ZNF638: variants seen among roughly 807,000 people sequenced by gnomAD.
The protein encoded by ZNF638 is zinc finger protein 638.
Under a neutral mutation model 195.6 loss-of-function variants are expected in ZNF638, and 46 were observed. That is an observed-to-expected ratio of 0.24 (90% CI 0.19 to 0.30). The LOEUF (loss-of-function observed/expected upper bound fraction) is 0.30. Ranked by LOEUF, ZNF638 falls within the 10% of genes least tolerant of loss-of-function variation. The probability of loss-of-function intolerance (pLI) is 1.00; values close to 1 mark genes in which losing one functional copy is unlikely to be tolerated. For missense variants in ZNF638, 2,440 were observed against 2,325.3 expected, an observed-to-expected ratio of 1.05 and a Z score of -1.01; for synonymous variants, 845 against 772.0, an observed-to-expected ratio of 1.09 and a Z score of -1.57.
intron 10 of ZNF638, among the ~76,000 whole-genome samples, chr2:71,388,922 G>C (rs541608370): frequency 9.0e-4 from 137 of 152,288 alleles, no homozygotes; most frequent in Non-Finnish European, 1.6e-3. Flanking sequence ...ATAATCCATG[G>C]TTCCCAGCAG....
chr2:71,342,326 T>G (rs910973545), intron 1 of ZNF638, among the ~76,000 whole-genome samples: 4 of 152,028 alleles, frequency 2.6e-5, no homozygotes, highest in African/African-American at 9.7e-5. Context: ...GGGACTCAGC[T>G]TCCACAACCA....
chr2:71,422,665 G>A (rs1229792700), intron 21 of ZNF638, 149 bp from the exon 22 acceptor site: 5 of 727,584 alleles, frequency 6.9e-6, no homozygotes, highest in Non-Finnish European at 1.1e-5. Context: ...CTGATTGGTT[G>A]GATTTCCCAG....
At chr2:71,353,617 A>G (rs2078977444) in intron 2 of ZNF638, among the ~76,000 whole-genome samples, 1 of 152,156 alleles carries the variant, frequency 6.6e-6, no homozygotes, top group Admixed American at 6.5e-5. Context: ...GAATGTGTGT[A>G]TGTGTGTTGA....
chr2:71,348,867 G>C lies in ZNF638; in HGVS notation c.-88G>C. On this transcript the variant is annotated 5_prime_UTR_variant, in exon 2 of 28. Transcript: ENST00000264447. ...TGCACTTTGCTCAGATTAAGACTCA[G>C]TTGGCGCTTCAGCAGCTGAATGCCG... The C allele has an allele frequency of 6.2e-7, 1 of 1,612,814 alleles. No homozygotes were observed. The highest frequency in any genetic ancestry group is 1.1e-5 in the South Asian group (1 of 90,768).
intron 2 of ZNF638, among the ~76,000 whole-genome samples, chr2:71,350,870 G>A (rs1282116001): frequency 6.6e-6 from 1 of 152,178 alleles, no homozygotes; most frequent in East Asian, 1.9e-4. Flanking sequence ...TCAGAAAATA[G>A]TGTAAAATGA....
chr2:71,344,857 T>G (rs1017973214), intron 1 of ZNF638, among the ~76,000 whole-genome samples: 2 of 152,246 alleles, frequency 1.3e-5, no homozygotes, highest in African/African-American at 2.4e-5. Flanking sequence ...AGCATCCTTT[T>G]AGTTAAAACA....
In ZNF638 at chr2:71,378,422, C is replaced by T. The variant is rs373844686; in HGVS notation, c.2266-1800C>T. 3.9e-5 allele frequency among the ~76,000 whole-genome samples: 6 copies of T among 151,978 alleles called. No individual in the cohort carries two copies. In the South Asian group the frequency reaches 8.3e-4, roughly 21 times the overall value. On this transcript the variant is annotated intron_variant, in intron 8 of 27. Transcript: ENST00000264447. Reference sequence around the variant, plus strand: ...AGTGCAAAAGGAAATGACAAGAGTGCCCAAAAAGAACAGAAAGTATGAAAT... The same window carrying T: ...AGTGCAAAAGGAAATGACAAGAGTGTCCAAAAAGAACAGAAAGTATGAAAT...
intron 10 of ZNF638, among the ~76,000 whole-genome samples, chr2:71,384,882 T>C (rs1573091492): frequency 6.6e-6 from 1 of 151,842 alleles, no homozygotes; most frequent in Non-Finnish European, 1.5e-5. Context: ...AGAGATCACC[T>C]CTTGTTTATT....
At chr2:71,355,022 G>T (rs1573038147) in intron 2 of ZNF638, among the ~76,000 whole-genome samples, 1 of 151,990 alleles carries the variant, frequency 6.6e-6, no homozygotes, top group Non-Finnish European at 1.5e-5. Flanking sequence ...AGGCTGGAGT[G>T]CAGTGGCGCA....
intron 26 of ZNF638, among the ~76,000 whole-genome samples, chr2:71,431,799 A>G (rs981390905): frequency 1.5e-4 from 23 of 151,902 alleles, no homozygotes; most frequent in African/African-American, 4.3e-4. Context: ...TAAGTATTCT[A>G]TTGTTTTAGG....
At position 71,400,478 on chromosome 2, in the gene ZNF638, A is replaced by G; in HGVS notation, c.2657A>G (p.Asp886Gly). 1 of 1,604,882 alleles carries G rather than the reference A, an allele frequency of 6.2e-7. No homozygotes were observed. Among genetic ancestry groups the G allele is most frequent in the African/African-American group, 1.3e-5 (1 of 74,426 alleles). ...GTTTTTAATTTTATTTTGTATTAAG[A>G]TGCTGCTTTGGAGGCCACAGAGAAT... Reference protein sequence around the residue: ...TENCAKEAISDAALEATENEP... With the variant: ...TENCAKEAISGAALEATENEP... The change falls in exon 15 of 28, where the codon GAT becomes GGT. Residue 886 changes from aspartate to glycine, a missense_variant and splice_region_variant. This residue lies in a region of ZNF638 where 1,883 missense variants were observed against 1,739.1 expected (regional missense o/e 1.08). Coordinates refer to ENST00000264447, the MANE Select transcript of ZNF638 (RefSeq NM_014497.5).
chr2:71,374,380 T>C (rs1386422232), intron 8 of ZNF638, among the ~76,000 whole-genome samples: 1 of 152,216 alleles, frequency 6.6e-6, no homozygotes, highest in Non-Finnish European at 1.5e-5. Flanking sequence ...GTGGTTTCTG[T>C]TACAACAATT....
At chr2:71,424,939 C>T (rs1470484625) in intron 23 of ZNF638, among the ~76,000 whole-genome samples, 3 of 151,924 alleles carry the variant, frequency 2.0e-5, no homozygotes, top group East Asian at 1.9e-4. Context: ...GCGGGGGGAG[C>T]GGGCAAAATG....
intron 23 of ZNF638, 83 bp from the exon 24 acceptor site, chr2:71,426,377 C>A: frequency 1.0e-6 from 1 of 987,912 alleles, no homozygotes; most frequent in Non-Finnish European, 1.5e-6. Context: ...AAATGATCTG[C>A]ATGCACATTT....
Position 71,423,437 on chromosome 2 carries a change from A to G in ZNF638, c.3923A>G (p.Asp1308Gly). 1 of 1,613,614 alleles carries G rather than the reference A, an allele frequency of 6.2e-7. No homozygotes were observed. The highest frequency in any genetic ancestry group is 8.5e-7 in the Non-Finnish European group (1 of 1,179,912). The change falls in exon 22 of 28, where the codon GAT becomes GGT. Residue 1308 changes from aspartate to glycine, a missense_variant. By Grantham distance (94) the Asp-to-Gly change is moderately conservative (BLOSUM62 -1). Transcript: ENST00000264447. The stretch of plus-strand genomic sequence containing the variant: ...ATTTCTGAAAAAAAAGGTAACATGG[A>G]TGAAAAGGAGGAGAAGGAATTTAAT... Reference protein sequence around the residue: ...KNISEKKGNMDEKEEKEFNTK... With the variant: ...KNISEKKGNMGEKEEKEFNTK...
intron 1 of ZNF638, among the ~76,000 whole-genome samples, chr2:71,341,261 T>G (rs529128351): frequency 2.6e-5 from 4 of 152,236 alleles, no homozygotes; most frequent in Non-Finnish European, 5.9e-5. Context: ...ATTTCTTGTT[T>G]TACAGTGGTA....
At chr2:71,420,917 ATTC>A (rs991780322) in intron 21 of ZNF638, among the ~76,000 whole-genome samples, 34 of 152,350 alleles carry the variant, frequency 2.2e-4, no homozygotes, top group African/African-American at 7.7e-4. Context: ...GAATTAAATA[ATTC>A]TTCTGAGTAG....
chr2:71,398,409 A>T (rs767727150), intron 11 of ZNF638, among the ~76,000 whole-genome samples: 6 of 151,938 alleles, frequency 3.9e-5, no homozygotes, highest in Non-Finnish European at 8.8e-5. Flanking sequence ...TGTCAGCAGC[A>T]CTCGGGGTTT....
rs183878287 is a variant in ZNF638, at chr2:71,380,218, G to A, written c.2266-4G>A. ...CTTTTGTTCAAAATATTTTTCCTAC[G>A]TAGAACAAAGAGGTGAAGAAAAAGA... On this transcript the variant is annotated splice_polypyrimidine_tract_variant and splice_region_variant and intron_variant, in intron 8 of 27. Transcript: ENST00000264447. The A allele has an allele frequency of 9.1e-5, 138 of 1,520,308 alleles. 1 individual carries two copies. The South Asian group carries it at 1.0e-3, about 11-fold the overall frequency. The allele number at this position is 1,520,308 out of a possible 1,614,324, so 94.2% of individuals were successfully genotyped here.
Sources: gnomAD v4.1 joint callset for allele counts (sites outside exome capture counted in the v4.1 genomes callset) on GRCh38, gnomAD v4.1.1 for gene constraint, gnomAD v4.1.1 regional missense constraint, MANE v1.5 for transcripts, NCBI Gene and HGNC (gene_info 2026-07-23, HGNC 2026-07-21) for gene names.